OCIAD1: variants seen among roughly 807,000 people sequenced by gnomAD.
OCIAD1 encodes OCIA domain-containing protein 1.
OCIAD1 carries 29 observed loss-of-function variants against 38.9 expected under a neutral mutation model. The ratio of observed to expected loss-of-function variants is 0.74; its 90% CI spans 0.55 to 1.02. The LOEUF (loss-of-function observed/expected upper bound fraction) is 1.02, where lower values mean the gene tolerates loss of function less well. Ranked by LOEUF, OCIAD1 falls within the 50% of genes least tolerant of loss-of-function variation. The pLI, the probability that OCIAD1 is intolerant of heterozygous loss-of-function variation, is 0.00. For synonymous variants in OCIAD1, 110 were observed against 92.0 expected (o/e 1.20, Z -1.12); for missense variants, 288 against 289.6 (o/e 0.99, Z 0.04).
chr4:48,837,924 G>A (rs1005450365), intron 3 of OCIAD1, among the ~76,000 whole-genome samples: 1 of 152,156 alleles, frequency 6.6e-6, no homozygotes, highest in African/African-American at 2.4e-5. Flanking sequence ...ATGTCAGGAT[G>A]CCCGTGTATA....
chr4:48,847,565 ATCTGGATTATTG>A (rs1203757156), intron 4 of OCIAD1, among the ~76,000 whole-genome samples: 5 of 152,150 alleles, frequency 3.3e-5, no homozygotes, highest in Admixed American at 2.0e-4. Flanking sequence ...TTTTTAAGCC[ATCTGGATTATTG>A]TTCGATGTAG....
At chr4:48,815,229 C>T (rs779377720) in intron 1 of OCIAD1, among the ~76,000 whole-genome samples, 54 of 152,160 alleles carry the variant, frequency 3.5e-4, no homozygotes, top group Non-Finnish European at 6.3e-4. Context: ...AGGAGAATTG[C>T]TTGAAACCAG....
At chr4:48,819,263 C>A (rs1777168640) in intron 1 of OCIAD1, among the ~76,000 whole-genome samples, 1 of 151,782 alleles carries the variant, frequency 6.6e-6, no homozygotes. Context: ...AGAGTGCAGG[C>A]CAACATTCAG....
At chr4:48,846,740 C>T (rs1336473708) in intron 4 of OCIAD1, among the ~76,000 whole-genome samples, 1 of 145,792 alleles carries the variant, frequency 6.9e-6, no homozygotes, top group African/African-American at 2.6e-5. Flanking sequence ...GAGCGAGACT[C>T]GTCTCAAAAA....
In OCIAD1 at chr4:48,848,098, GT is replaced by G. The variant is rs1204629305; in HGVS notation, c.194-294del. Among the ~76,000 whole-genome samples the G allele has an allele frequency of 4.0e-5, 6 of 150,286 alleles. No homozygotes were observed. The East Asian group carries it at 9.8e-4, about 25-fold the overall frequency. On this transcript the variant is annotated intron_variant, in intron 4 of 8. Coordinates refer to ENST00000264312, the MANE Select transcript of OCIAD1 (RefSeq NM_017830.4). ...TAATTCTGTCTTCTAAAAAATGTTT[GT>G]TTTTTTGTTTGTTGTTGGTATAAAC...
At chr4:48,808,879 C>T (rs1305721765) in intron 1 of OCIAD1, among the ~76,000 whole-genome samples, 1 of 152,190 alleles carries the variant, frequency 6.6e-6, no homozygotes, top group Non-Finnish European at 1.5e-5. Context: ...TTCTCTATGG[C>T]AGTCAGGGGT....
At chr4:48,820,086 A>G (rs1185218863) in intron 1 of OCIAD1, among the ~76,000 whole-genome samples, 2 of 152,192 alleles carry the variant, frequency 1.3e-5, no homozygotes, top group East Asian at 3.8e-4. Flanking sequence ...AACCCAAATC[A>G]ACGGAGTATA....
chr4:48,838,630 A>G (rs1009513240), intron 3 of OCIAD1, among the ~76,000 whole-genome samples: 7 of 152,228 alleles, frequency 4.6e-5, no homozygotes, highest in African/African-American at 1.7e-4. Flanking sequence ...TCTATGCTGT[A>G]TGTGACATTT....
chr4:48,818,520 C>T (rs1459524052), intron 1 of OCIAD1, among the ~76,000 whole-genome samples: 1 of 152,172 alleles, frequency 6.6e-6, no homozygotes, highest in Non-Finnish European at 1.5e-5. Context: ...CTATTCTCCT[C>T]CAAATGATCT....
chr4:48,825,476 T>A (rs889155648), intron 1 of OCIAD1, among the ~76,000 whole-genome samples: 6 of 152,336 alleles, frequency 3.9e-5, no homozygotes, highest in South Asian at 2.1e-4. Context: ...TTTCTGAGAT[T>A]TAGTATGGGA....
chr4:48,857,607 C>G (rs1425300132), intron 8 of OCIAD1, among the ~76,000 whole-genome samples: 1 of 151,760 alleles, frequency 6.6e-6, no homozygotes, highest in Non-Finnish European at 1.5e-5. Flanking sequence ...GCAGCCTCTG[C>G]CTCCTGGATT....
intron 1 of OCIAD1, among the ~76,000 whole-genome samples, chr4:48,806,556 C>T (rs2109483875): frequency 6.6e-6 from 1 of 152,302 alleles, no homozygotes; most frequent in Non-Finnish European, 1.5e-5. Context: ...TGGCTCATCA[C>T]ACTGTGGTTG....
rs1419318858 is a variant in OCIAD1 at position 48,842,635 on chromosome 4, G to T, written c.140-1G>T. On this transcript the variant is annotated splice_acceptor_variant, in intron 3 of 8. Transcript: ENST00000264312. LOFTEE classifies it high-confidence loss of function. The stretch of plus-strand genomic sequence containing the variant: ...TTAACAAGGTCTTTTTCTTCCTATA[G>T]CTGTGCCTTTGGCTGCAACAAGTAT... 2 of 1,566,504 alleles carry T rather than the reference G, an allele frequency of 1.3e-6. No individual in the cohort carries two copies. Among genetic ancestry groups the T allele is most frequent in the Non-Finnish European group, 1.7e-6 (2 of 1,157,310 alleles).
chr4:48,832,162 A>G (rs1413702733), intron 1 of OCIAD1, among the ~76,000 whole-genome samples: 9 of 152,148 alleles, frequency 5.9e-5, no homozygotes, highest in African/African-American at 1.9e-4. Flanking sequence ...GAGAGGTTGA[A>G]TGTTTCTGAT....
chr4:48,852,103 A>ATGTT (rs1457223802), intron 7 of OCIAD1, 128 bp downstream of exon 7: 1 of 671,048 alleles, frequency 1.5e-6, no homozygotes, highest in African/African-American at 1.8e-5. Context: ...TAAACTCAGC[A>ATGTT]TGTTTGTTCA....
At chr4:48,819,872 C>T (rs56784253) in intron 1 of OCIAD1, among the ~76,000 whole-genome samples, 375 of 151,998 alleles carry the variant, frequency 2.5e-3, no homozygotes, top group African/African-American at 8.8e-3. Context: ...ATATATGCAA[C>T]CAATACAGGA....
chr4:48,858,440 G>GT (rs1301885341), intron 8 of OCIAD1, among the ~76,000 whole-genome samples: 2 of 151,938 alleles, frequency 1.3e-5, no homozygotes, highest in African/African-American at 2.4e-5. Flanking sequence ...TTTTTCTCGT[G>GT]TTTTTTTGTT....
intron 1 of OCIAD1, among the ~76,000 whole-genome samples, chr4:48,806,755 G>A (rs200434604): frequency 6.7e-6 from 1 of 149,860 alleles, no homozygotes; most frequent in East Asian, 2.0e-4. Flanking sequence ...ACAGGTGCGT[G>A]CCACCATGCC....
At chr4:48,845,167 C>T (rs1160590347) in intron 4 of OCIAD1, among the ~76,000 whole-genome samples, 4 of 152,034 alleles carry the variant, frequency 2.6e-5, no homozygotes, top group Non-Finnish European at 5.9e-5. Flanking sequence ...AAAAAATCCT[C>T]CCTCATTTGT....
Sources: gnomAD v4.1 joint callset for allele counts (sites outside exome capture counted in the v4.1 genomes callset) on GRCh38, gnomAD v4.1.1 for gene constraint, MANE v1.5 for transcripts, NCBI Gene and HGNC (gene_info 2026-07-23, HGNC 2026-07-21) for gene names.